SUCO: variants seen among roughly 807,000 people sequenced by gnomAD.
SUCO encodes the protein SUN domain containing ossification factor, also known as SUN domain-containing ossification factor.
Under a neutral mutation model 148.1 loss-of-function variants are expected in SUCO, and 57 were observed. The observed-to-expected ratio is 0.38, with a 90% CI of 0.31 to 0.48. The LOEUF is 0.48. Among genes scored for constraint, SUCO ranks in the 20% least tolerant of loss-of-function variants. The pLI, the probability that SUCO is intolerant of heterozygous loss-of-function variation, is 0.96. For synonymous variants in SUCO, 470 were observed against 502.7 expected (o/e 0.93, Z 0.87); for missense variants, 1,331 against 1,468.2 (o/e 0.91, Z 1.53).
rs1205487474 is a variant in SUCO at position 172,589,499 on chromosome 1, A to T, written c.2398A>T (p.Asn800Tyr). 3.1e-6 allele frequency: 5 copies of T among 1,611,808 alleles called. No individual in the cohort carries two copies. The highest frequency in any genetic ancestry group is 4.2e-6 in the Non-Finnish European group (5 of 1,179,112). ...PSITYETNKV[N>Y]ELMDNIIKED... is the part of the protein sequence containing the mutation. Reference sequence around the variant, plus strand: ...TATTACCTATGAAACAAATAAAGTTAATGAGTTAATGGATAATATTATAAA... The same window carrying T: ...TATTACCTATGAAACAAATAAAGTTTATGAGTTAATGGATAATATTATAAA... The change falls in exon 18 of 24, where the codon AAT (asparagine) becomes TAT (tyrosine). Residue 800 changes from asparagine to tyrosine, a missense_variant. By Grantham distance (143) the Asn-to-Tyr change is moderately radical. Coordinates refer to ENST00000263688, the MANE Select transcript of SUCO (RefSeq NM_014283.5).
intron 6 of SUCO, among the ~76,000 whole-genome samples, chr1:172,563,925 C>G (rs947388558): frequency 3.3e-5 from 5 of 152,218 alleles, no homozygotes; most frequent in African/African-American, 9.6e-5. Flanking sequence ...GACATGGCAC[C>G]CTGCATCCCA....
At chr1:172,537,463 C>A (rs116317151) in intron 1 of SUCO, among the ~76,000 whole-genome samples, 164 of 152,104 alleles carry the variant, frequency 1.1e-3, no homozygotes, top group African/African-American at 3.8e-3. Context: ...TTATTAAATT[C>A]TTTGCAGTAA....
intron 23 of SUCO, chr1:172,609,479 G>A (rs1476356840): frequency 4.0e-5 from 36 of 904,910 alleles, no homozygotes; most frequent in East Asian, 1.2e-4. Context: ...ATAAAATACC[G>A]ACCTTTCAGG....
intron 7 of SUCO, 86 bp downstream of exon 7, chr1:172,569,228 A>G: frequency 8.1e-7 from 1 of 1,234,638 alleles, no homozygotes. Context: ...TGGTAAAACA[A>G]AATAAAATTT....
intron 15 of SUCO, among the ~76,000 whole-genome samples, chr1:172,582,905 T>C (rs1655973374): frequency 6.6e-6 from 1 of 152,128 alleles, no homozygotes; most frequent in African/African-American, 2.4e-5. Context: ...TGTTAAAATT[T>C]AGGTTCAGAA....
chr1:172,576,298 T>C (rs1410638715), intron 11 of SUCO, among the ~76,000 whole-genome samples: 2 of 151,712 alleles, frequency 1.3e-5, no homozygotes, highest in Non-Finnish European at 3.0e-5. Context: ...ATGACATTTT[T>C]GGAATGGCAG....
At chr1:172,550,956 T>A in intron 1 of SUCO, 1 of 791,278 alleles carries the variant, frequency 1.3e-6, no homozygotes, top group Non-Finnish European at 1.5e-6. Context: ...TCTCCTTTGG[T>A]ATGTTCCTAG....
At chr1:172,568,556 T>C (rs1428266455) in intron 6 of SUCO, 1 of 559,980 alleles carries the variant, frequency 1.8e-6, no homozygotes, top group African/African-American at 2.0e-5. Context: ...ACATTTAGAA[T>C]TTTTAATTTG....
chr1:172,571,497 G>A (rs932435289), intron 9 of SUCO, among the ~76,000 whole-genome samples: 1 of 151,618 alleles, frequency 6.6e-6, no homozygotes, highest in Admixed American at 6.5e-5. Context: ...TGGGAAGTGA[G>A]GAGAGTCTCT....
intron 19 of SUCO, 90 bp from the exon 20 acceptor site, chr1:172,599,972 CTT>C (rs1047768696): frequency 3.5e-6 from 3 of 862,358 alleles, no homozygotes; most frequent in African/African-American, 3.5e-5. Flanking sequence ...TTTGGAATAA[CTT>C]AATGGTTTTT....
rs76954358 is a variant in SUCO at position 172,587,989 on chromosome 1, A to T, written c.1659-771A>T. On this transcript the variant is annotated intron_variant, in intron 17 of 23. Transcript: ENST00000263688. ...ACATACTCCACAGCCTCAAAATGGG[A>T]TAGAATATTAATAGTGGCACTAGTA... is the stretch of plus-strand genomic sequence containing the variant. The T allele has an allele frequency of 2.8e-3, 1,913 of 671,574 alleles. 37 individuals are homozygous for T. In the African/African-American group the frequency reaches 0.035, roughly 12 times the overall value. 41.6% of individuals were successfully genotyped at this position (671,574 alleles called of 1,614,324 possible). A position where few individuals can be genotyped will look rare whatever the true frequency, so the allele number is the denominator to read the frequency against.
At chr1:172,583,274 C>A (rs2149256099) in intron 15 of SUCO, among the ~76,000 whole-genome samples, 1 of 152,212 alleles carries the variant, frequency 6.6e-6, no homozygotes, top group East Asian at 1.9e-4. Flanking sequence ...AAGGCCACTT[C>A]TGTTTATCAG....
At chr1:172,562,572 G>A (rs909613178) in intron 6 of SUCO, among the ~76,000 whole-genome samples, 10 of 152,140 alleles carry the variant, frequency 6.6e-5, no homozygotes, top group South Asian at 2.1e-4. Context: ...TCTTGACCTC[G>A]TGATCACCCG....
At chr1:172,581,324 G>T (rs1178909665) in intron 15 of SUCO, among the ~76,000 whole-genome samples, 3 of 152,240 alleles carry the variant, frequency 2.0e-5, no homozygotes, top group South Asian at 2.1e-4. Flanking sequence ...GGTATTGAAA[G>T]AATTTATACA....
At chr1:172,569,937 T>G in intron 7 of SUCO, 110 bp from the exon 8 acceptor site, 1 of 1,052,058 alleles carries the variant, frequency 9.5e-7, no homozygotes, top group Non-Finnish European at 1.2e-6. Flanking sequence ...TAAAACCTAT[T>G]CTTTTCTAGA....
intron 15 of SUCO, among the ~76,000 whole-genome samples, chr1:172,583,822 A>G (rs1656047312): frequency 6.6e-6 from 1 of 152,158 alleles, no homozygotes; most frequent in African/African-American, 2.4e-5. Flanking sequence ...ATTACATCAC[A>G]TTACTGGAAG....
At chr1:172,557,891 A>T (rs1653866490) in intron 6 of SUCO, 97 bp downstream of exon 6, 1 of 969,768 alleles carries the variant, frequency 1.0e-6, no homozygotes, top group South Asian at 1.9e-5. Flanking sequence ...TTTGTCATAA[A>T]ATCAGGGAGA....
intron 11 of SUCO, 57 bp downstream of exon 11, chr1:172,575,680 A>G: frequency 8.8e-7 from 1 of 1,136,526 alleles, no homozygotes; most frequent in Non-Finnish European, 1.3e-6. Flanking sequence ...TGTTATTCAC[A>G]CTTTATACAC....
intron 1 of SUCO, among the ~76,000 whole-genome samples, chr1:172,537,328 A>C (rs1302153474): frequency 6.6e-6 from 1 of 152,222 alleles, no homozygotes; most frequent in Admixed American, 6.5e-5. Flanking sequence ...TCTCATTAAA[A>C]TAATAATTTT....
Sources: allele counts gnomAD v4.1 joint callset (sites outside exome capture counted in the v4.1 genomes callset), GRCh38; gene constraint gnomAD v4.1.1; transcripts MANE v1.5; gene names NCBI Gene and HGNC (gene_info 2026-07-23, HGNC 2026-07-21).